RPTOR: variants seen among roughly 807,000 people sequenced by gnomAD.
RPTOR encodes the protein regulatory associated protein of MTOR complex 1, also known as regulatory-associated protein of mTOR.
RPTOR carries 21 observed loss-of-function variants against 169.9 expected under a neutral mutation model. The observed-to-expected ratio is 0.12, with a 90% CI of 0.09 to 0.18. The LOEUF (loss-of-function observed/expected upper bound fraction) is 0.18. Ranked by LOEUF, RPTOR falls within the 10% of genes least tolerant of loss-of-function variation. RPTOR has a pLI of 1.00. For missense variants in RPTOR, 1,133 were observed against 1,855.9 expected (o/e 0.61, Z 7.16); for synonymous variants, 732 against 753.2 (o/e 0.97, Z 0.46).
chr17:80,678,929 G>T (rs552396653), intron 3 of RPTOR, among the ~76,000 whole-genome samples: 2 of 152,346 alleles, frequency 1.3e-5, no homozygotes, highest in Admixed American at 6.5e-5. Context: ...GCTGTGTGGG[G>T]TGGGGGCGAT....
At chr17:80,816,663 A>C (rs980143764) in intron 7 of RPTOR, among the ~76,000 whole-genome samples, 1 of 152,160 alleles carries the variant, frequency 6.6e-6, no homozygotes, top group Non-Finnish European at 1.5e-5. Context: ...TCAGCAAATG[A>C]AGAAAGGCAA....
intron 1 of RPTOR, among the ~76,000 whole-genome samples, chr17:80,554,421 A>T (rs2084380928): frequency 6.6e-6 from 1 of 152,046 alleles, no homozygotes; most frequent in Non-Finnish European, 1.5e-5. Flanking sequence ...AAAACAGTGT[A>T]TTTCAACCCA....
intron 6 of RPTOR, among the ~76,000 whole-genome samples, chr17:80,785,984 C>T (rs1299397458): frequency 3.3e-5 from 5 of 152,110 alleles, no homozygotes; most frequent in African/African-American, 7.2e-5. Context: ...TTTCATAGAG[C>T]GTCTGTCCAT....
At chr17:80,870,383 TG>T (rs1406990971) in intron 13 of RPTOR, among the ~76,000 whole-genome samples, 1 of 152,226 alleles carries the variant, frequency 6.6e-6, no homozygotes, top group East Asian at 1.9e-4. Flanking sequence ...CCCACGTCTG[TG>T]CTGGTTCTCC....
intron 33 of RPTOR, 36 bp from the exon 34 acceptor site, chr17:80,964,226 C>T (rs747080945): frequency 1.3e-6 from 2 of 1,589,418 alleles, no homozygotes; most frequent in Non-Finnish European, 1.7e-6. Flanking sequence ...TCTGCCCGCA[C>T]CTGAACCCCT....
At chr17:80,784,188 A>G (rs945331393) in intron 6 of RPTOR, among the ~76,000 whole-genome samples, 3 of 151,902 alleles carry the variant, frequency 2.0e-5, no homozygotes, top group Non-Finnish European at 4.4e-5. Flanking sequence ...TCGTGTCCTC[A>G]AGTGATCCTC....
chr17:80,743,294 C>T, intron 5 of RPTOR: 1 of 985,582 alleles, frequency 1.0e-6, no homozygotes, highest in Non-Finnish European at 1.2e-6. Flanking sequence ...GGGGTGAAGG[C>T]ACCCATCTGG....
chr17:80,734,105 C>T (rs994440439), intron 5 of RPTOR, among the ~76,000 whole-genome samples: 1 of 152,226 alleles, frequency 6.6e-6, no homozygotes, highest in East Asian at 1.9e-4. Flanking sequence ...AAATATTGCT[C>T]GCTCAGTGGC....
chr17:80,557,638 A>T (rs2143238678), intron 1 of RPTOR, among the ~76,000 whole-genome samples: 1 of 152,296 alleles, frequency 6.6e-6, no homozygotes, highest in African/African-American at 2.4e-5. Flanking sequence ...AAATATATGG[A>T]AAATGGCCAG....
At chr17:80,743,466 G>A (rs953499581) in intron 5 of RPTOR, 3 of 985,282 alleles carry the variant, frequency 3.0e-6, no homozygotes, top group South Asian at 9.4e-5. Flanking sequence ...AGGAGAACAC[G>A]TGACCCACTT....
At chr17:80,584,518 A>C (rs540499327) in intron 1 of RPTOR, among the ~76,000 whole-genome samples, 2 of 151,910 alleles carry the variant, frequency 1.3e-5, no homozygotes, top group African/African-American at 4.8e-5. Flanking sequence ...TCATCTGCGG[A>C]TGGAGGGAAG....
chr17:80,849,147 G>A (rs1337696180), intron 11 of RPTOR, among the ~76,000 whole-genome samples: 2 of 152,218 alleles, frequency 1.3e-5, no homozygotes, highest in Non-Finnish European at 2.9e-5. Context: ...ACTTCCCCGC[G>A]CTTTCTCTTA....
chr17:80,728,562 C>T (rs957064722), intron 4 of RPTOR, among the ~76,000 whole-genome samples: 9 of 151,960 alleles, frequency 5.9e-5, no homozygotes, highest in Non-Finnish European at 2.9e-5. Flanking sequence ...ATTTAAAATG[C>T]TGTCCTCATT....
chr17:80,816,375 C>T (rs1242739915), intron 7 of RPTOR, among the ~76,000 whole-genome samples: 8 of 152,180 alleles, frequency 5.3e-5, no homozygotes, highest in African/African-American at 1.2e-4. Context: ...TCCGGGGTTT[C>T]GAGCCTCAGT....
intron 3 of RPTOR, among the ~76,000 whole-genome samples, chr17:80,698,662 A>G (rs770162428): frequency 6.6e-6 from 1 of 152,222 alleles, no homozygotes; most frequent in Non-Finnish European, 1.5e-5. Context: ...AAAGATTTCT[A>G]TAGACAAATG....
intron 1 of RPTOR, among the ~76,000 whole-genome samples, chr17:80,568,224 C>T (rs1453568242): frequency 1.3e-5 from 2 of 152,154 alleles, no homozygotes; most frequent in East Asian, 1.9e-4. Context: ...ATTTCTGTTT[C>T]TAGGCTTCAT....
chr17:80,808,373 C>T (rs1039739845), intron 7 of RPTOR, among the ~76,000 whole-genome samples: 2 of 152,074 alleles, frequency 1.3e-5, no homozygotes, highest in African/African-American at 2.4e-5. Flanking sequence ...TGCAGTGGCT[C>T]GTGATGCACC....
At chr17:80,795,315 C>T (rs2067090299) in intron 7 of RPTOR, among the ~76,000 whole-genome samples, 1 of 152,188 alleles carries the variant, frequency 6.6e-6, no homozygotes, top group African/African-American at 2.4e-5. Flanking sequence ...AGCAAACACC[C>T]TTCCCCATCC....
chr17:80,771,490 G>T lies in RPTOR; in HGVS notation c.830+17305G>T, dbSNP rs543113914. 3.9e-5 allele frequency among the ~76,000 whole-genome samples: 6 copies of T among 152,242 alleles called. No homozygotes were observed. In the East Asian group the frequency reaches 1.2e-3, roughly 30 times the overall value. ...GTGCAGTTAAGCTTCAGGACGGAAG[G>T]GGGTACCTCCCAAGCCTTTCTGCCC... On this transcript the variant is annotated intron_variant, in intron 6 of 33. Coordinates refer to ENST00000306801, the MANE Select transcript of RPTOR (RefSeq NM_020761.3).
Sources: allele counts gnomAD v4.1 joint callset (sites outside exome capture counted in the v4.1 genomes callset), GRCh38; gene constraint gnomAD v4.1.1; transcripts MANE v1.5; gene names NCBI Gene and HGNC (gene_info 2026-07-23, HGNC 2026-07-21).